Variants in PRDM2 observed in about 807,000 individuals in gnomAD.
PRDM2 encodes PR/SET domain 2.
In PRDM2, 30 loss-of-function variants were observed where a neutral mutation model predicts 130.0. That is an observed-to-expected ratio of 0.23 (90% CI 0.17 to 0.31). The LOEUF (loss-of-function observed/expected upper bound fraction) is 0.31. PRDM2 is among the 10% of genes least tolerant of loss of function. The pLI is 1.00. For missense variants in PRDM2, 2,011 were observed against 2,108.4 expected, an observed-to-expected ratio of 0.95 and a Z score of 0.90; for synonymous variants, 871 against 782.4, an observed-to-expected ratio of 1.11 and a Z score of -1.89.
At position 13,786,373 on chromosome 1, in the gene PRDM2, C is replaced by T. The variant is rs185604861; in HGVS notation, c.5036+3542C>T. On this transcript the variant is annotated intron_variant, in intron 8 of 9. Coordinates refer to ENST00000311066, the MANE Select transcript of PRDM2 (RefSeq NM_001393986.1). Reference sequence around the variant, plus strand: ...GGGTGTGTCTTCTGGGTAGGACGCTCGTTCCTAAATGCCTTCAGTCATGTA... The same window carrying T: ...GGGTGTGTCTTCTGGGTAGGACGCTTGTTCCTAAATGCCTTCAGTCATGTA... 2.1e-4 allele frequency: 236 copies of T among 1,123,526 alleles called. 1 individual carries two copies. The African/African-American group carries it at 2.6e-3, about 12-fold the overall frequency. The allele number at this position is 1,123,526 out of a possible 1,614,324, so 69.6% of individuals were successfully genotyped here.
chr1:13,747,796 A>T (rs972481908), intron 5 of PRDM2, among the ~76,000 whole-genome samples: 1 of 151,918 alleles, frequency 6.6e-6, no homozygotes, highest in Non-Finnish European at 1.5e-5. Flanking sequence ...AAAAGAAACA[A>T]AAAACAAAAA....
At chr1:13,785,293 G>C (rs1401510521) in intron 8 of PRDM2, among the ~76,000 whole-genome samples, 1 of 152,146 alleles carries the variant, frequency 6.6e-6, no homozygotes, top group African/African-American at 2.4e-5. Context: ...CTTTCACTCT[G>C]TTTGCAGCTT....
At chr1:13,777,490 A>G (rs1021746981) in intron 7 of PRDM2, among the ~76,000 whole-genome samples, 1 of 149,656 alleles carries the variant, frequency 6.7e-6, no homozygotes, top group Non-Finnish European at 1.5e-5. Context: ...TTGCATCTCT[A>G]GTCTTACCTC....
rs766857361 is a variant in PRDM2, at chr1:13,763,545, AG to A, written c.512-9532del. ...TTTATGGGTAGGCAGTAGACAAGAG[AG>A]AAACACTTGAGCAGTACTTTTTGCC... On this transcript the variant is annotated intron_variant, in intron 6 of 9. Transcript: ENST00000311066. 6.6e-5 allele frequency among the ~76,000 whole-genome samples: 10 copies of A among 152,320 alleles called. No individual in the cohort carries two copies. The South Asian group carries it at 1.2e-3, about 19-fold the overall frequency.
intron 8 of PRDM2, among the ~76,000 whole-genome samples, chr1:13,794,141 G>A (rs1192537502): frequency 6.6e-6 from 1 of 152,160 alleles, no homozygotes; most frequent in African/African-American, 2.4e-5. Flanking sequence ...GCACTAGCCG[G>A]GGTTGAGGTT....
intron 1 of PRDM2, among the ~76,000 whole-genome samples, chr1:13,710,700 G>C (rs932333196): frequency 2.6e-5 from 4 of 152,114 alleles, no homozygotes; most frequent in African/African-American, 9.7e-5. Flanking sequence ...AGAAACTAAG[G>C]CATAAGCCAA....
At chr1:13,767,961 G>A (rs1644266655) in intron 6 of PRDM2, among the ~76,000 whole-genome samples, 1 of 151,954 alleles carries the variant, frequency 6.6e-6, no homozygotes, top group South Asian at 2.1e-4. Flanking sequence ...GAATGACAGA[G>A]TGAGAGACAG....
At chr1:13,732,278 G>C (rs976629001) in intron 3 of PRDM2, among the ~76,000 whole-genome samples, 2 of 151,988 alleles carry the variant, frequency 1.3e-5, no homozygotes, top group African/African-American at 2.4e-5. Flanking sequence ...GGCAGGAAAG[G>C]GTTTTCTACT....
intron 6 of PRDM2, among the ~76,000 whole-genome samples, chr1:13,767,467 A>ATTTTTTT (rs372707092): frequency 1.8e-5 from 2 of 114,012 alleles, no homozygotes; most frequent in Non-Finnish European, 3.8e-5. Flanking sequence ...AATTTTTTCT[A>ATTTTTTT]TTTTTTTTTT....
At chr1:13,790,308 C>T (rs975625195) in intron 8 of PRDM2, among the ~76,000 whole-genome samples, 1 of 152,206 alleles carries the variant, frequency 6.6e-6, no homozygotes, top group African/African-American at 2.4e-5. Flanking sequence ...TATAATTATC[C>T]TGCAAAGTGG....
At chr1:13,717,530 T>A in intron 2 of PRDM2, 1 of 693,276 alleles carries the variant, frequency 1.4e-6, no homozygotes, top group Non-Finnish European at 1.8e-6. Flanking sequence ...TTAGGATTAA[T>A]TATGCCTTAA....
intron 4 of PRDM2, 35 bp from the exon 5 acceptor site, chr1:13,741,970 T>G: frequency 6.7e-7 from 1 of 1,499,652 alleles, no homozygotes; most frequent in Non-Finnish European, 9.2e-7. Context: ...TACTCCTATT[T>G]TAACAAAAGT....
At chr1:13,710,461 C>T (rs958199781) in intron 1 of PRDM2, among the ~76,000 whole-genome samples, 5 of 152,128 alleles carry the variant, frequency 3.3e-5, no homozygotes, top group Non-Finnish European at 7.4e-5. Flanking sequence ...GTTTCTAAGA[C>T]TGATTTGTCT....
In PRDM2 at chr1:13,784,371, C is replaced by T. The variant is rs1178230733; in HGVS notation, c.5036+1540C>T. On this transcript the variant is annotated intron_variant, in intron 8 of 9. Coordinates refer to ENST00000311066, the MANE Select transcript of PRDM2 (RefSeq NM_001393986.1). ...GTCTTCAACAAGCAGAGTGTGCCTT[C>T]ATTTTCACAGATTGTACTATAAAAC... 2.6e-5 allele frequency among the ~76,000 whole-genome samples: 4 copies of T among 152,170 alleles called. No homozygotes were observed. The East Asian group carries it at 7.7e-4, about 29-fold the overall frequency.
At chr1:13,756,138 C>A (rs892362143) in intron 6 of PRDM2, among the ~76,000 whole-genome samples, 1 of 151,348 alleles carries the variant, frequency 6.6e-6, no homozygotes, top group Non-Finnish European at 1.5e-5. Context: ...TGGCGGGCGC[C>A]TGTAGTCCCA....
intron 6 of PRDM2, among the ~76,000 whole-genome samples, chr1:13,763,919 C>T (rs1644163547): frequency 6.6e-6 from 1 of 152,136 alleles, no homozygotes; most frequent in Non-Finnish European, 1.5e-5. Flanking sequence ...ATTAATTAGT[C>T]ATGTGGCTTG....
intron 6 of PRDM2, among the ~76,000 whole-genome samples, chr1:13,754,420 C>G (rs1288203703): frequency 6.6e-6 from 1 of 152,120 alleles, no homozygotes; most frequent in African/African-American, 2.4e-5. Flanking sequence ...AGGACACTTT[C>G]CAAAATTGGA....
At chr1:13,809,646 G>A (rs1645139770) in intron 8 of PRDM2, among the ~76,000 whole-genome samples, 1 of 152,144 alleles carries the variant, frequency 6.6e-6, no homozygotes, top group African/African-American at 2.4e-5. Flanking sequence ...CGTGGGTGCC[G>A]GTGAGTCATC....
intron 7 of PRDM2, among the ~76,000 whole-genome samples, chr1:13,777,939 C>T (rs1415720114): frequency 1.3e-5 from 2 of 152,114 alleles, no homozygotes; most frequent in Non-Finnish European, 2.9e-5. Context: ...GAGAGAGGAT[C>T]ATTTACTCCA....
Sources: gnomAD v4.1 joint callset for allele counts (sites outside exome capture counted in the v4.1 genomes callset) on GRCh38, gnomAD v4.1.1 for gene constraint, MANE v1.5 for transcripts, NCBI Gene and HGNC (gene_info 2026-07-23, HGNC 2026-07-21) for gene names.